The following KCNIP4 variants were observed in gnomAD, a reference collection of about 807,000 sequenced individuals.
KCNIP4 encodes potassium voltage-gated channel interacting protein 4, also known as Kv channel-interacting protein 4.
In KCNIP4, 12 loss-of-function variants were observed where a neutral mutation model predicts 34.0. That is an observed-to-expected ratio of 0.35 (90% CI 0.23 to 0.57). KCNIP4 has a LOEUF of 0.57. Among genes scored for constraint, KCNIP4 ranks in the 20% least tolerant of loss-of-function variants. The pLI is 0.83. For synonymous variants in KCNIP4, 124 were observed against 102.2 expected (o/e 1.21, Z -1.29); for missense variants, 238 against 311.7 (o/e 0.76, Z 1.78).
At chr4:21,233,929 A>C (rs1287225064) in intron 1 of KCNIP4, among the ~76,000 whole-genome samples, 1 of 138,354 alleles carries the variant, frequency 7.2e-6, no homozygotes, top group Non-Finnish European at 1.5e-5. Context: ...TTATGTAATT[A>C]TATTATATAA....
chr4:21,697,632 G>A, intron 1 of KCNIP4: 1 of 1,324,850 alleles, frequency 7.5e-7, no homozygotes, highest in Non-Finnish European at 9.5e-7. Context: ...GCCAGATACA[G>A]CTACAACAGT....
chr4:21,187,774 A>G (rs1396018349), intron 1 of KCNIP4, among the ~76,000 whole-genome samples: 1 of 151,944 alleles, frequency 6.6e-6, no homozygotes, highest in Non-Finnish European at 1.5e-5. Context: ...ATACATTCTG[A>G]CAACACACTA....
chr4:21,543,293 A>ATGT (rs1426646814), intron 1 of KCNIP4, among the ~76,000 whole-genome samples: 1 of 152,122 alleles, frequency 6.6e-6, no homozygotes, highest in Non-Finnish European at 1.5e-5. Context: ...TTATTTTAGA[A>ATGT]TGTTACTCTT....
intron 1 of KCNIP4, among the ~76,000 whole-genome samples, chr4:21,399,625 G>C (rs1723302524): frequency 6.6e-6 from 1 of 150,828 alleles, no homozygotes; most frequent in Non-Finnish European, 1.5e-5. Flanking sequence ...CAGGAGGCTT[G>C]GTTAAATTTG....
intron 1 of KCNIP4, among the ~76,000 whole-genome samples, chr4:21,343,633 C>A (rs559600208): frequency 6.6e-6 from 1 of 152,080 alleles, no homozygotes; most frequent in African/African-American, 2.4e-5. Flanking sequence ...TAGAAGCAGT[C>A]TTTCTCAAAT....
intron 1 of KCNIP4, among the ~76,000 whole-genome samples, chr4:21,352,297 G>T (rs557216757): frequency 1.3e-5 from 2 of 152,310 alleles, no homozygotes; most frequent in East Asian, 3.9e-4. Flanking sequence ...GTAGCCCACG[G>T]AGGGCAAGCC....
chr4:21,646,657 G>T (rs1031525394), intron 1 of KCNIP4, among the ~76,000 whole-genome samples: 3 of 152,102 alleles, frequency 2.0e-5, no homozygotes, highest in Non-Finnish European at 4.4e-5. Context: ...AAGCGCATGG[G>T]ACATGGCAAT....
At chr4:21,051,520 G>A (rs1742928888) in intron 1 of KCNIP4, among the ~76,000 whole-genome samples, 2 of 152,048 alleles carry the variant, frequency 1.3e-5, no homozygotes, top group Admixed American at 1.3e-4. Flanking sequence ...GAACTCATTG[G>A]TTTGAATCAT....
chr4:21,695,547 C>T (rs535684422), intron 1 of KCNIP4, among the ~76,000 whole-genome samples: 1 of 152,118 alleles, frequency 6.6e-6, no homozygotes, highest in Non-Finnish European at 1.5e-5. Flanking sequence ...TCCATAATTT[C>T]CATATTATAA....
At chr4:21,561,194 T>C (rs1157430208) in intron 1 of KCNIP4, among the ~76,000 whole-genome samples, 1 of 151,984 alleles carries the variant, frequency 6.6e-6, no homozygotes, top group Non-Finnish European at 1.5e-5. Context: ...AGAAATAACC[T>C]TTTCCATTAG....
At chr4:20,941,194 A>G (rs1054172913) in intron 1 of KCNIP4, among the ~76,000 whole-genome samples, 2 of 152,334 alleles carry the variant, frequency 1.3e-5, no homozygotes, top group South Asian at 2.1e-4. Context: ...ATTTCTATTC[A>G]CATGTATAAT....
Position 21,827,979 on chromosome 4 carries a change from TATAAACA to T in KCNIP4, c.61+120585_61+120591del, listed in dbSNP as rs1156445198. On this transcript the variant is annotated intron_variant, in intron 1 of 8. Transcript: ENST00000382152. Reference sequence around the variant, plus strand: ...TTGGGTAAAACGAGCCGCTCTAACTTATAAACAGGAAAAAAGGCACCATTAATGAGAG... The same window carrying T: ...TTGGGTAAAACGAGCCGCTCTAACTTGGAAAAAAGGCACCATTAATGAGAG... Among the ~76,000 whole-genome samples the T allele has an allele frequency of 1.1e-4, 17 of 148,904 alleles. No homozygotes were observed. In the South Asian group the frequency reaches 3.6e-3, roughly 31 times the overall value.
rs189128117 is a variant in KCNIP4, at chr4:21,050,032, T to C, written c.62-167323A>G. Among the ~76,000 whole-genome samples, 492 of 152,336 alleles carry C rather than the reference T, an allele frequency of 3.2e-3. 3 individuals carry two copies. The highest frequency in any genetic ancestry group is 0.011 in the African/African-American group (448 of 41,584). On this transcript the variant is annotated intron_variant, in intron 1 of 8. Transcript: ENST00000382152. Reference sequence around the variant, plus strand: ...TAATATACTCATTGGTTTAAAAGTGTTTGTTTTCCTATTAGTTGCAAAACT... The same window carrying C: ...TAATATACTCATTGGTTTAAAAGTGCTTGTTTTCCTATTAGTTGCAAAACT...
intron 1 of KCNIP4, among the ~76,000 whole-genome samples, chr4:21,724,358 C>G (rs1371795259): frequency 6.7e-6 from 1 of 148,876 alleles, no homozygotes; most frequent in Non-Finnish European, 1.5e-5. Flanking sequence ...CTATATAACC[C>G]TAAAATATTG....
intron 1 of KCNIP4, among the ~76,000 whole-genome samples, chr4:21,072,248 C>G (rs943389013): frequency 6.6e-6 from 1 of 152,198 alleles, no homozygotes. Flanking sequence ...AACTAGTTTA[C>G]AGTCCCACCA....
chr4:20,843,778 C>T (rs1259638310), intron 3 of KCNIP4, among the ~76,000 whole-genome samples: 1 of 152,128 alleles, frequency 6.6e-6, no homozygotes, highest in Admixed American at 6.6e-5. Context: ...ACAAATAAAT[C>T]AAGAAGCATC....
intron 1 of KCNIP4, among the ~76,000 whole-genome samples, chr4:21,716,991 G>A (rs1714436209): frequency 6.6e-6 from 1 of 152,108 alleles, no homozygotes; most frequent in Non-Finnish European, 1.5e-5. Context: ...CTACCACACT[G>A]GAGTTTCTTA....
Position 21,320,635 on chromosome 4 carries a change from T to C in KCNIP4, c.62-437926A>G, listed in dbSNP as rs377340995. On this transcript the variant is annotated intron_variant, in intron 1 of 8. Coordinates refer to ENST00000382152, the MANE Select transcript of KCNIP4 (RefSeq NM_025221.6). ...TTTGCAATTACCCTGTGAGCTTTGC[T>C]TGCCTGGCCCCAGTCTAGGTCCTGT... Among the ~76,000 whole-genome samples the C allele has an allele frequency of 3.0e-4, 46 of 152,306 alleles. No individual in the cohort carries two copies. In the East Asian group the frequency reaches 7.7e-3, roughly 26 times the overall value.
At chr4:21,650,215 C>T (rs1317832088) in intron 1 of KCNIP4, among the ~76,000 whole-genome samples, 3 of 152,162 alleles carry the variant, frequency 2.0e-5, no homozygotes, top group African/African-American at 7.2e-5. Context: ...TGTGGAAAAC[C>T]CTTAATGCAT....
Sources: gnomAD v4.1 joint callset for allele counts (sites outside exome capture counted in the v4.1 genomes callset) on GRCh38, gnomAD v4.1.1 for gene constraint, MANE v1.5 for transcripts, NCBI Gene and HGNC (gene_info 2026-07-23, HGNC 2026-07-21) for gene names.